CPE: variants seen among roughly 807,000 people sequenced by gnomAD.
CPE encodes the protein carbocypeptidase E.
A neutral mutation model predicts 53.5 loss-of-function variants in CPE; 17 were observed. The observed-to-expected ratio is 0.32, with a 90% CI of 0.22 to 0.48. The LOEUF is 0.48. Among genes scored for constraint, CPE ranks in the 20% least tolerant of loss-of-function variants. CPE has a pLI of 0.99. For missense variants in CPE, 524 were observed against 614.7 expected, an observed-to-expected ratio of 0.85 and a Z score of 1.56; for synonymous variants, 226 against 228.8, an observed-to-expected ratio of 0.99 and a Z score of 0.11.
chr4:165,383,424 T>G (rs1560864759), intron 1 of CPE, among the ~76,000 whole-genome samples: 1 of 152,242 alleles, frequency 6.6e-6, no homozygotes, highest in East Asian at 1.9e-4. Context: ...AAGTAATGGA[T>G]TCTGTGTTCC....
intron 3 of CPE, 40 bp from the exon 4 acceptor site, chr4:165,482,202 T>C (rs200405029): frequency 9.8e-6 from 13 of 1,324,686 alleles, no homozygotes; most frequent in Admixed American, 1.8e-5. Flanking sequence ...ATACCAATGA[T>C]TATTAAATTT....
At position 165,415,811 on chromosome 4, in the gene CPE, C is replaced by CAT. The variant is rs144599749; in HGVS notation, c.307+36296_307+36297dup. Among the ~76,000 whole-genome samples the CAT allele has an allele frequency of 7.2e-4, 108 of 150,420 alleles. 1 individual carries two copies. The highest frequency in any genetic ancestry group is 2.2e-3 in the African/African-American group (91 of 41,112). ...ATTTGTGTAGTACACAGGTATAGTG[C>CAT]ATATATATATATATTTGTCACATAT... On this transcript the variant is annotated intron_variant, in intron 1 of 8. Coordinates refer to ENST00000402744, the MANE Select transcript of CPE (RefSeq NM_001873.4).
intron 1 of CPE, among the ~76,000 whole-genome samples, chr4:165,421,585 T>C (rs1731220979): frequency 6.6e-6 from 1 of 152,238 alleles, no homozygotes; most frequent in Non-Finnish European, 1.5e-5. Flanking sequence ...AGTAAGGACC[T>C]TGAAGTTTCC....
chr4:165,465,605 G>A (rs1245001973), intron 2 of CPE, among the ~76,000 whole-genome samples: 2 of 151,952 alleles, frequency 1.3e-5, no homozygotes, highest in African/African-American at 4.8e-5. Flanking sequence ...AGTAAAACAA[G>A]AAAATTCACA....
chr4:165,435,403 T>G (rs1334418308), intron 1 of CPE, among the ~76,000 whole-genome samples: 2 of 152,142 alleles, frequency 1.3e-5, no homozygotes, highest in African/African-American at 2.4e-5. Context: ...GATGAAAGCT[T>G]GAGTTTGTGT....
At chr4:165,390,146 C>G (rs1298980307) in intron 1 of CPE, among the ~76,000 whole-genome samples, 1 of 152,158 alleles carries the variant, frequency 6.6e-6, no homozygotes, top group Non-Finnish European at 1.5e-5. Context: ...AGAATGGTGA[C>G]CTTGAGGAGA....
intron 1 of CPE, among the ~76,000 whole-genome samples, chr4:165,387,256 G>A (rs1221994428): frequency 6.6e-6 from 1 of 152,154 alleles, no homozygotes; most frequent in Non-Finnish European, 1.5e-5. Flanking sequence ...CACATGTGGA[G>A]TATTAAAGAG....
At chr4:165,483,074 G>A (rs1314642411) in intron 4 of CPE, among the ~76,000 whole-genome samples, 3 of 151,510 alleles carry the variant, frequency 2.0e-5, no homozygotes, top group African/African-American at 7.3e-5. Context: ...ATAATGGTGA[G>A]GTTTGGGTTT....
rs140494145 is a variant in CPE, at chr4:165,413,340, C to T, written c.307+33812C>T. Among the ~76,000 whole-genome samples the T allele has an allele frequency of 5.4e-3, 824 of 152,264 alleles. 10 individuals are homozygous for T. The highest frequency in any genetic ancestry group is 0.013 in the African/African-American group (520 of 41,554). On this transcript the variant is annotated intron_variant, in intron 1 of 8. Transcript: ENST00000402744. ...AAGTGAAGAATTGGGGGATAGAGAA[C>T]GGGAATCTTGTTCACACAGTTCTCT...
At chr4:165,407,861 T>G (rs1730977462) in intron 1 of CPE, among the ~76,000 whole-genome samples, 1 of 146,978 alleles carries the variant, frequency 6.8e-6, no homozygotes, top group Non-Finnish European at 1.5e-5. Context: ...CGACCCAACT[T>G]TTTTTTTTTT....
chr4:165,386,881 ATT>A (rs561187430), intron 1 of CPE, among the ~76,000 whole-genome samples: 94 of 152,224 alleles, frequency 6.2e-4, no homozygotes, highest in African/African-American at 2.1e-3. Context: ...CCAGGTTTTC[ATT>A]TTCCTTTTTC....
intron 1 of CPE, chr4:165,406,327 C>CA (rs1452693056): frequency 1.8e-6 from 1 of 553,106 alleles, no homozygotes; most frequent in African/African-American, 1.9e-5. Context: ...CTGAGGCTGC[C>CA]AATCGCCCGG....
At chr4:165,388,512 A>G (rs1730633617) in intron 1 of CPE, among the ~76,000 whole-genome samples, 1 of 152,178 alleles carries the variant, frequency 6.6e-6, no homozygotes, top group Non-Finnish European at 1.5e-5. Context: ...CCTTTGAGGC[A>G]ATGCCATTGC....
At chr4:165,409,908 C>A (rs1474766934) in intron 1 of CPE, among the ~76,000 whole-genome samples, 1 of 151,972 alleles carries the variant, frequency 6.6e-6, no homozygotes, top group African/African-American at 2.4e-5. Flanking sequence ...TATTCATAAA[C>A]CACACAGGTT....
intron 1 of CPE, among the ~76,000 whole-genome samples, chr4:165,459,652 C>A (rs1347391137): frequency 4.9e-5 from 6 of 123,214 alleles, no homozygotes; most frequent in Non-Finnish European, 8.2e-5. Context: ...GTCTGTAATC[C>A]CAGCACTTTG....
At chr4:165,409,193 A>G (rs769973915) in intron 1 of CPE, among the ~76,000 whole-genome samples, 4 of 149,956 alleles carry the variant, frequency 2.7e-5, no homozygotes, top group Non-Finnish European at 4.4e-5. Context: ...CGGGAAAGTG[A>G]TGGGAGTGAG....
At position 165,379,783 on chromosome 4, in the gene CPE, C is replaced by T. The variant is rs1259200156; in HGVS notation, c.307+255C>T. On this transcript the variant is annotated intron_variant, in intron 1 of 8. Coordinates refer to ENST00000402744, the MANE Select transcript of CPE (RefSeq NM_001873.4). The surrounding 1 kb of genome is among the most constrained non-coding windows in gnomAD (Gnocchi z 6.0). ...AATCCCATCTCCCCAGACCTTAGGCCACCCTCTAGTAAGTATAGGCTTGGG... is the reference window on the plus strand; with the variant it reads ...AATCCCATCTCCCCAGACCTTAGGCTACCCTCTAGTAAGTATAGGCTTGGG... Among the ~76,000 whole-genome samples the T allele has an allele frequency of 2.0e-5, 3 of 152,294 alleles. No individual in the cohort carries two copies. Among genetic ancestry groups the T allele is most frequent in the African/African-American group, 4.8e-5 (2 of 41,588 alleles).
At chr4:165,429,733 G>A (rs1196362792) in intron 1 of CPE, among the ~76,000 whole-genome samples, 1 of 151,546 alleles carries the variant, frequency 6.6e-6, no homozygotes, top group East Asian at 1.9e-4. Context: ...CTTCTGTCAT[G>A]TTACAAACAC....
chr4:165,414,647 C>G (rs954318979), intron 1 of CPE, among the ~76,000 whole-genome samples: 2 of 151,562 alleles, frequency 1.3e-5, no homozygotes, highest in African/African-American at 2.4e-5. Context: ...AATGTTGAGC[C>G]AAAGTATCCT....
Sources: gnomAD v4.1 joint callset for allele counts (sites outside exome capture counted in the v4.1 genomes callset) on GRCh38, gnomAD v4.1.1 for gene constraint, Gnocchi (gnomAD v3.1) non-coding constraint, MANE v1.5 for transcripts, NCBI Gene and HGNC (gene_info 2026-07-23, HGNC 2026-07-21) for gene names.